Variants in PRKG1 observed in about 807,000 individuals in gnomAD.
PRKG1 encodes the protein cGMP-dependent protein kinase 1.
Under a neutral mutation model 88.1 loss-of-function variants are expected in PRKG1, and 35 were observed. The ratio of observed to expected loss-of-function variants is 0.40; its 90% CI spans 0.30 to 0.53. The LOEUF (loss-of-function observed/expected upper bound fraction) is 0.53. PRKG1 is among the 20% of genes least tolerant of loss of function. The pLI is 0.59. For synonymous variants in PRKG1, 303 were observed against 292.5 expected, an observed-to-expected ratio of 1.04 and a Z score of -0.37; for missense variants, 540 against 839.8, an observed-to-expected ratio of 0.64 and a Z score of 4.41.
At chr10:51,560,830 G>A (rs2132147870) in intron 3 of PRKG1, among the ~76,000 whole-genome samples, 1 of 152,168 alleles carries the variant, frequency 6.6e-6, no homozygotes, top group East Asian at 1.9e-4. Flanking sequence ...AGATAGAAAT[G>A]TATAACAAAT....
At chr10:52,269,142 C>T (rs1204708675) in intron 10 of PRKG1, among the ~76,000 whole-genome samples, 1 of 151,944 alleles carries the variant, frequency 6.6e-6, no homozygotes, top group Non-Finnish European at 1.5e-5. Flanking sequence ...TGAACAACTG[C>T]ACAACAGTCC....
intron 3 of PRKG1, among the ~76,000 whole-genome samples, chr10:51,628,160 C>CTTTCTTTCTTTA (rs1554826973): frequency 5.9e-5 from 3 of 51,188 alleles, no homozygotes; most frequent in African/African-American, 1.4e-4. Context: ...TTCTTTCTTT[C>CTTTCTTTCTTTA]TTTATTTATT....
chr10:51,043,335 A>G (rs1220460568), intron 1 of PRKG1, among the ~76,000 whole-genome samples: 2 of 152,182 alleles, frequency 1.3e-5, no homozygotes, highest in African/African-American at 4.8e-5. Flanking sequence ...TAAGGTAATT[A>G]TGATAAATTT....
At chr10:51,973,112 C>T (rs1843748715) in intron 5 of PRKG1, among the ~76,000 whole-genome samples, 1 of 152,180 alleles carries the variant, frequency 6.6e-6, no homozygotes, top group African/African-American at 2.4e-5. Context: ...TGACAAGCTT[C>T]TGCCTAGGGG....
intron 1 of PRKG1, among the ~76,000 whole-genome samples, chr10:51,139,222 C>T (rs535602082): frequency 6.6e-5 from 10 of 152,222 alleles, no homozygotes; most frequent in South Asian, 6.2e-4. Flanking sequence ...CCATGATAAA[C>T]GCATTTTTAA....
chr10:51,113,648 A>T (rs867892281), intron 1 of PRKG1, among the ~76,000 whole-genome samples: 43 of 151,484 alleles, frequency 2.8e-4, no homozygotes, highest in African/African-American at 8.0e-4. Flanking sequence ...AAATTACATT[A>T]GCATGTTGTA....
intron 2 of PRKG1, among the ~76,000 whole-genome samples, chr10:51,347,760 A>C (rs1190951080): frequency 6.6e-6 from 1 of 152,066 alleles, no homozygotes; most frequent in African/African-American, 2.4e-5. Context: ...ACCGGTTATC[A>C]GAACATAAAA....
rs570128330 is a variant in PRKG1 at position 52,249,611 on chromosome 10, T to A, written c.1077-1959T>A. ...GGGTGCTTTCAAGGATTACAAATAA[T>A]AACACCATACTTTGAATATATGAAA... On this transcript the variant is annotated intron_variant, in intron 9 of 17. Coordinates refer to ENST00000373980, the MANE Select transcript of PRKG1 (RefSeq NM_006258.4). Among the ~76,000 whole-genome samples the A allele has an allele frequency of 5.3e-5, 8 of 152,224 alleles. No homozygotes were observed. In the South Asian group the frequency reaches 1.7e-3, roughly 32 times the overall value.
chr10:52,200,027 A>G (rs1839622584), intron 9 of PRKG1, among the ~76,000 whole-genome samples: 1 of 151,946 alleles, frequency 6.6e-6, no homozygotes. Context: ...CCTCATTATT[A>G]TTATCCTCAT....
intron 2 of PRKG1, among the ~76,000 whole-genome samples, chr10:51,288,622 TTGAC>T (rs1840503620): frequency 6.6e-6 from 1 of 152,166 alleles, no homozygotes; most frequent in South Asian, 2.1e-4. Context: ...TATCTTATCT[TTGAC>T]TGTGAAGATA....
At chr10:52,121,149 G>A (rs1235502379) in intron 7 of PRKG1, among the ~76,000 whole-genome samples, 2 of 152,144 alleles carry the variant, frequency 1.3e-5, no homozygotes, top group Admixed American at 6.5e-5. Context: ...AGAAACAGAG[G>A]TGTCCTGCCC....
intron 10 of PRKG1, among the ~76,000 whole-genome samples, chr10:52,265,842 A>G (rs1464948213): frequency 6.6e-6 from 1 of 152,120 alleles, no homozygotes; most frequent in African/African-American, 2.4e-5. Context: ...GTATACATTC[A>G]TTCAAATGTC....
At chr10:51,150,606 G>A (rs963810633) in intron 1 of PRKG1, among the ~76,000 whole-genome samples, 1 of 152,094 alleles carries the variant, frequency 6.6e-6, no homozygotes, top group Admixed American at 6.6e-5. Context: ...CTGTATGAAG[G>A]TATAAATAGT....
intron 1 of PRKG1, among the ~76,000 whole-genome samples, chr10:51,146,939 T>C (rs1845959886): frequency 6.6e-6 from 1 of 152,166 alleles, no homozygotes; most frequent in Non-Finnish European, 1.5e-5. Flanking sequence ...GTGGTACATA[T>C]ACCCAACAGA....
chr10:51,580,334 AAAC>A (rs1351690898), intron 3 of PRKG1, among the ~76,000 whole-genome samples: 1 of 152,160 alleles, frequency 6.6e-6, no homozygotes. Flanking sequence ...TTGTTATTAC[AAAC>A]AACATTACAA....
chr10:51,325,841 G>A (rs1841577145), intron 2 of PRKG1, among the ~76,000 whole-genome samples: 2 of 152,074 alleles, frequency 1.3e-5, no homozygotes, highest in Non-Finnish European at 2.9e-5. Flanking sequence ...CCTCCTCAGG[G>A]GCCCAGTCTC....
At chr10:51,580,018 C>T (rs79907191) in intron 3 of PRKG1, among the ~76,000 whole-genome samples, 10,502 of 152,104 alleles carry the variant, frequency 0.069, 1,183 homozygotes, top group African/African-American at 0.24. Context: ...GAAGTAATAA[C>T]GCTTCTCCAG....
intron 1 of PRKG1, among the ~76,000 whole-genome samples, chr10:51,034,495 T>G (rs899504152): frequency 6.6e-6 from 1 of 151,776 alleles, no homozygotes; most frequent in Non-Finnish European, 1.5e-5. Context: ...AATGGCAATT[T>G]AGTTTTGTCC....
At chr10:52,010,369 C>T (rs1844850091) in intron 5 of PRKG1, among the ~76,000 whole-genome samples, 1 of 152,110 alleles carries the variant, frequency 6.6e-6, no homozygotes, top group Non-Finnish European at 1.5e-5. Context: ...CATAAACAGA[C>T]ACTTCTCAAA....
Sources: gnomAD v4.1 joint callset for allele counts (sites outside exome capture counted in the v4.1 genomes callset) on GRCh38, gnomAD v4.1.1 for gene constraint, MANE v1.5 for transcripts, NCBI Gene and HGNC (gene_info 2026-07-23, HGNC 2026-07-21) for gene names.